Variants in CCNK observed in about 807,000 individuals in gnomAD.
The protein encoded by CCNK is cyclin-K.
In CCNK, 9 loss-of-function variants were observed where a neutral mutation model predicts 65.0. The observed-to-expected ratio is 0.14, with a 90% CI of 0.08 to 0.24. CCNK has a LOEUF of 0.24. CCNK is among the 10% of genes least tolerant of loss of function. The pLI is 1.00. For missense variants in CCNK, 474 were observed against 720.0 expected, an observed-to-expected ratio of 0.66 and a Z score of 3.91; for synonymous variants, 279 against 270.8, an observed-to-expected ratio of 1.03 and a Z score of -0.30.
intron 4 of CCNK, among the ~76,000 whole-genome samples, chr14:99,497,276 C>T (rs1311912882): frequency 1.3e-5 from 2 of 152,186 alleles, no homozygotes; most frequent in Non-Finnish European, 1.5e-5. Flanking sequence ...CTCTGGCAAC[C>T]ACTGATATTT....
intron 10 of CCNK, 29 bp from the exon 11 acceptor site, chr14:99,510,128 C>A: frequency 6.3e-7 from 1 of 1,575,502 alleles, no homozygotes. Flanking sequence ...CTGGCGGAGG[C>A]CGGGCACTGA....
intron 9 of CCNK, chr14:99,506,648 A>T (rs975289398): frequency 2.5e-5 from 4 of 162,144 alleles, no homozygotes; most frequent in African/African-American, 9.7e-5. Flanking sequence ...GAATGAAAAG[A>T]TAGAGATTCT....
In CCNK at chr14:99,511,010, A is replaced by G. The variant is rs3918127; in HGVS notation, c.*228A>G. Reference sequence around the variant, plus strand: ...CAGTGCCCTTGCAGTCTGACTGTGTACACTTGGTTCAGCTAATGTCTGAGA... The same window carrying G: ...CAGTGCCCTTGCAGTCTGACTGTGTGCACTTGGTTCAGCTAATGTCTGAGA... On this transcript the variant is annotated 3_prime_UTR_variant, in exon 11 of 11. Transcript: ENST00000389879. The G allele has an allele frequency of 1.9e-3, 723 of 371,922 alleles. 3 individuals carry two copies. Among genetic ancestry groups the G allele is most frequent in the Non-Finnish European group, 3.0e-3 (631 of 209,958 alleles). The allele number at this position is 371,922 out of a possible 1,614,324, so 23.0% of individuals were successfully genotyped here. A position where few individuals can be genotyped will look rare whatever the true frequency, so the allele number is the denominator to read the frequency against.
At position 99,510,244 on chromosome 14, in the gene CCNK, C is replaced by A. The variant is rs1897088348; in HGVS notation, c.1205C>A (p.Pro402His). ...DATDLPKVQI[P>H]PPAHPAPVHQ... Reference sequence around the variant, plus strand: ...ACTGACCTCCCCAAAGTCCAGATTCCCCCTCCGGCCCACCCGGCCCCTGTG... The same window carrying A: ...ACTGACCTCCCCAAAGTCCAGATTCACCCTCCGGCCCACCCGGCCCCTGTG... Residue 402 changes from proline to histidine, a missense_variant, in exon 11 of 11, where the codon CCC (proline) becomes CAC (histidine). Coordinates refer to ENST00000389879, the MANE Select transcript of CCNK (RefSeq NM_001099402.2). The A allele has an allele frequency of 3.2e-6, 5 of 1,581,726 alleles. No homozygotes were observed. The highest frequency in any genetic ancestry group is 4.3e-6 in the Non-Finnish European group (5 of 1,169,060).
chr14:99,489,084 T>G (rs1896548972), intron 1 of CCNK, among the ~76,000 whole-genome samples: 2 of 152,232 alleles, frequency 1.3e-5, no homozygotes, highest in South Asian at 4.1e-4. Flanking sequence ...GAATTAGGAG[T>G]GTCATTCCTT....
At chr14:99,499,798 A>G (rs1184559846) in intron 4 of CCNK, among the ~76,000 whole-genome samples, 2 of 152,242 alleles carry the variant, frequency 1.3e-5, no homozygotes, top group Non-Finnish European at 2.9e-5. Flanking sequence ...GGACTTTAAA[A>G]CAACTAAAGG....
chr14:99,506,729 C>T (rs1473428829), intron 9 of CCNK: 1 of 312,450 alleles, frequency 3.2e-6, no homozygotes, highest in South Asian at 3.0e-5. Flanking sequence ...TCCTCTGTAC[C>T]AGGGAGGACT....
At chr14:99,503,982 C>A in intron 9 of CCNK, 1 of 362,492 alleles carries the variant, frequency 2.8e-6, no homozygotes, top group East Asian at 7.5e-5. Flanking sequence ...GAGTCCTCTC[C>A]CAAGCACCAA....
At chr14:99,490,956 T>C (rs994396289) in intron 1 of CCNK, among the ~76,000 whole-genome samples, 1 of 151,846 alleles carries the variant, frequency 6.6e-6, no homozygotes, top group Non-Finnish European at 1.5e-5. Flanking sequence ...GAGATGTCTG[T>C]TTTTTCCCCT....
chr14:99,500,539 T>C (rs1896799470), intron 4 of CCNK: 10 of 365,044 alleles, frequency 2.7e-5, no homozygotes, highest in Non-Finnish European at 4.5e-5. Context: ...GTTTTCAGTA[T>C]TTTTTTTTAC....
chr14:99,509,724 GACTA>G, intron 10 of CCNK: 1 of 195,018 alleles, frequency 5.1e-6, no homozygotes, highest in South Asian at 1.2e-4. Context: ...ACATTCATTT[GACTA>G]ACTCTGAGGT....
rs1897124779 is a variant in CCNK at position 99,511,288 on chromosome 14, TA to T, written c.*510del. ...TTATAGATGTTTGCATCCTTTGTAT[TA>T]AAATTATTTTGAAGGGGTTGCCTCA... On this transcript the variant is annotated 3_prime_UTR_variant, in exon 11 of 11. Coordinates refer to ENST00000389879, the MANE Select transcript of CCNK (RefSeq NM_001099402.2). The T allele has an allele frequency of 6.6e-6, 1 of 152,080 alleles. No homozygotes were observed. The highest frequency in any genetic ancestry group is 1.5e-5 in the Non-Finnish European group (1 of 68,042). The allele number at this position is 152,080 out of a possible 1,614,324, so 9.4% of individuals were successfully genotyped here. A position where few individuals can be genotyped will look rare whatever the true frequency, so the allele number is the denominator to read the frequency against.
At chr14:99,502,477 ATG>A in intron 7 of CCNK, 101 bp downstream of exon 7, 1 of 1,463,176 alleles carries the variant, frequency 6.8e-7, no homozygotes, top group Non-Finnish European at 9.1e-7. Flanking sequence ...AGATAGACAT[ATG>A]TGAGCAATAT....
chr14:99,481,478 G>T lies in CCNK; in HGVS notation c.-54G>T. 2.5e-6 allele frequency: 1 copy of T among 398,698 alleles called. No homozygotes were observed. Among genetic ancestry groups the T allele is most frequent in the South Asian group, 1.3e-4 (1 of 7,852 alleles). 24.7% of individuals were successfully genotyped at this position (398,698 alleles called of 1,614,324 possible). ...CGCTGAGGGGCTTGCCTGAAGCGAGGGGTGAGTGACCCACCGACTGAGGGC... is the reference window on the plus strand; with the variant it reads ...CGCTGAGGGGCTTGCCTGAAGCGAGTGGTGAGTGACCCACCGACTGAGGGC... On this transcript the variant is annotated splice_region_variant and 5_prime_UTR_variant, in exon 1 of 11. Coordinates refer to ENST00000389879, the MANE Select transcript of CCNK (RefSeq NM_001099402.2).
chr14:99,486,132 C>T (rs1896478783), intron 1 of CCNK, among the ~76,000 whole-genome samples: 1 of 152,084 alleles, frequency 6.6e-6, no homozygotes, highest in Non-Finnish European at 1.5e-5. Flanking sequence ...AGTAAACTTT[C>T]CTTAGTTCCT....
intron 9 of CCNK, chr14:99,504,291 G>C (rs1156821864): frequency 6.5e-6 from 1 of 153,626 alleles, no homozygotes; most frequent in East Asian, 1.9e-4. Context: ...GTCTTTCTTT[G>C]TTACTTGGTT....
Position 99,502,919 on chromosome 14 carries a change from C to G in CCNK, c.946C>G (p.Pro316Ala), listed in dbSNP as rs1330308822. The stretch of plus-strand genomic sequence containing the variant: ...CCAGCAACCAGCCCAGCAGCAGCAG[C>G]CAGCCCAACAGCCCAAGAAACCCTC... ...DPQQPAQQQQ[P>A]AQQPKKPSPQ... is the part of the protein sequence containing the mutation. The change falls in exon 8 of 11, where the codon CCA becomes GCA. Residue 316 changes from proline to alanine, a missense_variant. By Grantham distance (27) the Pro-to-Ala change is conservative (BLOSUM62 -1). Around this residue, in one of 6 missense-constraint regions of CCNK, gnomAD observed 229 missense variants for 275.5 expected, o/e 0.83. Transcript: ENST00000389879. 6.2e-7 allele frequency: 1 copy of G among 1,613,746 alleles called. No individual in the cohort carries two copies. Among genetic ancestry groups the G allele is most frequent in the Non-Finnish European group, 8.5e-7 (1 of 1,179,854 alleles).
chr14:99,498,560 TG>T (rs1896750673), intron 4 of CCNK, among the ~76,000 whole-genome samples: 1 of 152,184 alleles, frequency 6.6e-6, no homozygotes, highest in Admixed American at 6.5e-5. Context: ...TTATTTTAAT[TG>T]TGTGGCTTTT....
chr14:99,502,891 C>T lies in CCNK; in HGVS notation c.918C>T (p.Asp306=). The part of the protein sequence containing the change: ...SSEPSQPQQK[D]PQQPAQQQQP... The stretch of plus-strand genomic sequence containing the variant: ...AACCATCCCAGCCCCAGCAGAAGGA[C>T]CCCCAGCAACCAGCCCAGCAGCAGC... The change falls in exon 8 of 11, where the codon GAC becomes GAT. Residue 306 remains aspartate, a synonymous_variant. Transcript: ENST00000389879. 1.2e-6 allele frequency: 2 copies of T among 1,613,460 alleles called. No homozygotes were observed. The highest frequency in any genetic ancestry group is 1.1e-5 in the South Asian group (1 of 91,030).
Sources: gnomAD v4.1 joint callset for allele counts (sites outside exome capture counted in the v4.1 genomes callset) on GRCh38, gnomAD v4.1.1 for gene constraint, gnomAD v4.1.1 regional missense constraint, MANE v1.5 for transcripts, NCBI Gene and HGNC (gene_info 2026-07-23, HGNC 2026-07-21) for gene names.